The following ERC1 variants were observed in gnomAD, a reference collection of about 807,000 sequenced individuals.
The protein encoded by ERC1 is RAB6 interacting protein 2.
Under a neutral mutation model 132.0 loss-of-function variants are expected in ERC1, and 56 were observed. The ratio of observed to expected loss-of-function variants is 0.42; its 90% CI spans 0.34 to 0.53. The LOEUF (loss-of-function observed/expected upper bound fraction) is 0.53, where lower values mean the gene tolerates loss of function less well. Among genes scored for constraint, ERC1 ranks in the 20% least tolerant of loss-of-function variants. The pLI, the probability that ERC1 is intolerant of heterozygous loss-of-function variation, is 0.03. For synonymous variants in ERC1, 478 were observed against 476.1 expected, an observed-to-expected ratio of 1.00 and a Z score of -0.05; for missense variants, 1,202 against 1,349.9, an observed-to-expected ratio of 0.89 and a Z score of 1.72.
intron 8 of ERC1, among the ~76,000 whole-genome samples, chr12:1,144,240 C>T (rs1205722268): frequency 6.6e-6 from 1 of 152,122 alleles, no homozygotes; most frequent in Non-Finnish European, 1.5e-5. Context: ...TGAATTAAAA[C>T]TTAAACTTTT....
At chr12:1,365,541 T>C (rs1412936917) in intron 15 of ERC1, among the ~76,000 whole-genome samples, 1 of 152,204 alleles carries the variant, frequency 6.6e-6, no homozygotes, top group African/African-American at 2.4e-5. Flanking sequence ...GATCCTGTCT[T>C]TGTGGAGTTT....
At chr12:1,272,972 A>C (rs1040677999) in intron 14 of ERC1, among the ~76,000 whole-genome samples, 2 of 145,474 alleles carry the variant, frequency 1.4e-5, no homozygotes, top group African/African-American at 2.5e-5. Context: ...AAAAAAAAAA[A>C]CCTTGAGTAG....
intron 18 of ERC1, among the ~76,000 whole-genome samples, chr12:1,462,754 A>G (rs1172152370): frequency 6.6e-6 from 1 of 152,188 alleles, no homozygotes; most frequent in Non-Finnish European, 1.5e-5. Flanking sequence ...CCATGTGGGT[A>G]GATAAATTCA....
At chr12:1,176,566 G>GTT (rs944940002) in intron 8 of ERC1, among the ~76,000 whole-genome samples, 1 of 148,216 alleles carries the variant, frequency 6.7e-6, no homozygotes, top group South Asian at 2.2e-4. Flanking sequence ...TGTTTTCTTT[G>GTT]TTTTTTTTTT....
chr12:1,301,825 G>GA (rs1479720382), intron 15 of ERC1, among the ~76,000 whole-genome samples: 386 of 150,766 alleles, frequency 2.6e-3, no homozygotes, highest in African/African-American at 8.4e-3. Context: ...TAAAAATTAA[G>GA]AAAAAGAAAG....
At chr12:1,398,833 G>A (rs1226323785) in intron 16 of ERC1, among the ~76,000 whole-genome samples, 1 of 149,510 alleles carries the variant, frequency 6.7e-6, no homozygotes, top group Non-Finnish European at 1.5e-5. Flanking sequence ...GGGACGCTTT[G>A]TCCTTGCACA....
chr12:1,226,697 G>A (rs1382178972), intron 12 of ERC1, among the ~76,000 whole-genome samples: 2 of 151,970 alleles, frequency 1.3e-5, no homozygotes, highest in Non-Finnish European at 2.9e-5. Context: ...TTCTTGTTTC[G>A]AAACAGTCTC....
At chr12:1,314,431 T>C (rs905241746) in intron 15 of ERC1, among the ~76,000 whole-genome samples, 1 of 152,146 alleles carries the variant, frequency 6.6e-6, no homozygotes, top group Non-Finnish European at 1.5e-5. Flanking sequence ...AATAAGAATA[T>C]AAAGAAACAA....
At chr12:1,268,720 C>G (rs1367962977) in intron 14 of ERC1, among the ~76,000 whole-genome samples, 1 of 152,006 alleles carries the variant, frequency 6.6e-6, no homozygotes, top group African/African-American at 2.4e-5. Context: ...GAGCTGAGAT[C>G]GTGCCACTGC....
intron 3 of ERC1, among the ~76,000 whole-genome samples, chr12:1,098,356 T>A (rs970415606): frequency 2.6e-5 from 4 of 152,258 alleles, no homozygotes; most frequent in African/African-American, 9.6e-5. Flanking sequence ...TGTGGATATT[T>A]TATCAAGATC....
chr12:1,429,969 G>T (rs1472986059), intron 17 of ERC1, among the ~76,000 whole-genome samples: 1 of 152,164 alleles, frequency 6.6e-6, no homozygotes, highest in Non-Finnish European at 1.5e-5. Context: ...GTTTCTATGT[G>T]CCAGGAATTC....
At chr12:1,144,568 G>A (rs553764118) in intron 8 of ERC1, among the ~76,000 whole-genome samples, 5 of 145,464 alleles carry the variant, frequency 3.4e-5, no homozygotes, top group East Asian at 3.9e-4. Flanking sequence ...AGCTTGTTGC[G>A]AATGCCATTA....
intron 18 of ERC1, among the ~76,000 whole-genome samples, chr12:1,465,124 T>C (rs2093718601): frequency 6.6e-6 from 1 of 152,124 alleles, no homozygotes; most frequent in African/African-American, 2.4e-5. Context: ...ATCCAGGTCA[T>C]TGAACGCGGG....
chr12:1,398,225 C>A (rs183035155), intron 16 of ERC1, among the ~76,000 whole-genome samples: 175 of 152,210 alleles, frequency 1.1e-3, no homozygotes, highest in East Asian at 0.011. Context: ...CTCAAGTGAT[C>A]CTCCCTCCTC....
At chr12:1,182,171 C>G in intron 10 of ERC1, 106 bp downstream of exon 10, 1 of 1,084,920 alleles carries the variant, frequency 9.2e-7, no homozygotes, top group Non-Finnish European at 1.3e-6. Context: ...GGAAAATTTT[C>G]TTAATATTCT....
intron 16 of ERC1, 78 bp from the exon 17 acceptor site, chr12:1,408,071 C>G (rs2091621000): frequency 1.1e-6 from 1 of 950,292 alleles, no homozygotes; most frequent in Non-Finnish European, 1.7e-6. Context: ...TCTTATGGAA[C>G]TCTTAAAATA....
chr12:1,101,245 A>G (rs1479383323), intron 3 of ERC1, among the ~76,000 whole-genome samples: 2 of 152,222 alleles, frequency 1.3e-5, no homozygotes, highest in South Asian at 2.1e-4. Flanking sequence ...AATGGGATAA[A>G]TACATAGGTC....
Position 1,444,683 on chromosome 12 carries a change from C to T in ERC1, c.3146C>T (p.Ala1049Val). 1 of 1,614,208 alleles carries T rather than the reference C, an allele frequency of 6.2e-7. No homozygotes were observed. Among genetic ancestry groups the T allele is most frequent in the Non-Finnish European group, 8.5e-7 (1 of 1,180,038 alleles). Reference protein sequence around the residue: ...PLILRGLTPPASYNLDDDQAA... With the variant: ...PLILRGLTPPVSYNLDDDQAA... ...ATCCTCCGTGGACTCACTCCACCAGCTTCCTATAACTTGGACGATGACCAG... is the reference window on the plus strand; with the variant it reads ...ATCCTCCGTGGACTCACTCCACCAGTTTCCTATAACTTGGACGATGACCAG... The change falls in exon 18 of 19, where the codon GCT (alanine) becomes GTT (valine). Residue 1049 changes from alanine to valine, a missense_variant. Coordinates refer to ENST00000360905, the MANE Select transcript of ERC1 (RefSeq NM_178040.4).
At chr12:1,351,664 GTTTT>G (rs2085010792) in intron 15 of ERC1, among the ~76,000 whole-genome samples, 1 of 151,800 alleles carries the variant, frequency 6.6e-6, no homozygotes, top group Non-Finnish European at 1.5e-5. Context: ...TTTTATTTTT[GTTTT>G]TTATAATATT....
Sources: gnomAD v4.1 joint callset for allele counts (sites outside exome capture counted in the v4.1 genomes callset) on GRCh38, gnomAD v4.1.1 for gene constraint, MANE v1.5 for transcripts, NCBI Gene and HGNC (gene_info 2026-07-23, HGNC 2026-07-21) for gene names.